Variants in SLC24A2 observed in about 807,000 individuals in gnomAD.
SLC24A2 encodes the protein sodium/potassium/calcium exchanger 2.
A neutral mutation model predicts 62.0 loss-of-function variants in SLC24A2; 36 were observed. The observed-to-expected ratio is 0.58, with a 90% confidence interval of 0.44 to 0.77. The LOEUF (loss-of-function observed/expected upper bound fraction) is 0.77, where lower values mean the gene tolerates loss of function less well. Ranked by LOEUF, SLC24A2 falls within the 30% of genes least tolerant of loss-of-function variation. SLC24A2 has a pLI of 0.00. For missense variants in SLC24A2, 846 were observed against 817.9 expected, an observed-to-expected ratio of 1.03 and a Z score of -0.42; for synonymous variants, 358 against 294.0, an observed-to-expected ratio of 1.22 and a Z score of -2.23.
At chr9:19,612,802 A>G (rs1268620790) in intron 4 of SLC24A2, among the ~76,000 whole-genome samples, 1 of 152,214 alleles carries the variant, frequency 6.6e-6, no homozygotes, top group Non-Finnish European at 1.5e-5. Context: ...ACTTGAGCCC[A>G]GGATTTCAAG....
chr9:19,604,400 CT>C (rs752370931), intron 4 of SLC24A2, among the ~76,000 whole-genome samples: 10 of 152,324 alleles, frequency 6.6e-5, no homozygotes, highest in Non-Finnish European at 1.5e-5. Flanking sequence ...GCAATGGAAA[CT>C]ACCAGTGCAC....
At chr9:20,127,961 C>A in the SLC24A2 span, among the ~76,000 whole-genome samples, 2 of 151,932 alleles carry the variant, frequency 1.3e-5, no homozygotes, top group Admixed American at 6.6e-5. Context: ...GTGGGTGCAA[C>A]ACAGCCCAAA....
At chr9:19,887,207 T>A in the SLC24A2 span, among the ~76,000 whole-genome samples, 1 of 152,188 alleles carries the variant, frequency 6.6e-6, no homozygotes, top group Non-Finnish European at 1.5e-5. Context: ...GAACTTAAAA[T>A]TTTTAAAAAG....
chr9:19,963,690 A>C, the SLC24A2 span, among the ~76,000 whole-genome samples: 4 of 152,314 alleles, frequency 2.6e-5, no homozygotes, highest in South Asian at 8.3e-4. Context: ...CACCAGTTAG[A>C]ATGACAATCA....
chr9:19,956,182 T>C, the SLC24A2 span, among the ~76,000 whole-genome samples: 1 of 152,144 alleles, frequency 6.6e-6, no homozygotes, highest in Non-Finnish European at 1.5e-5. Flanking sequence ...CTCAAACAGA[T>C]CCTAGGTCCC....
chr9:20,057,137 T>A, the SLC24A2 span, among the ~76,000 whole-genome samples: 1 of 152,260 alleles, frequency 6.6e-6, no homozygotes, highest in Non-Finnish European at 1.5e-5. Context: ...ATCACCTATA[T>A]ATTCACAAAT....
the SLC24A2 span, among the ~76,000 whole-genome samples, chr9:19,872,501 C>T: frequency 6.6e-6 from 1 of 152,218 alleles, no homozygotes; most frequent in South Asian, 2.1e-4. Flanking sequence ...AGGTCGTTTT[C>T]CTCACCTCTC....
the SLC24A2 span, among the ~76,000 whole-genome samples, chr9:20,230,954 C>T: frequency 6.6e-6 from 1 of 152,180 alleles, no homozygotes; most frequent in Non-Finnish European, 1.5e-5. Flanking sequence ...CTACATATGG[C>T]TAGCCAGTTT....
At chr9:19,842,634 G>T in the SLC24A2 span, among the ~76,000 whole-genome samples, 680 of 152,266 alleles carry the variant, frequency 4.5e-3, 4 homozygotes, top group African/African-American at 0.015. Context: ...AGTCTCCAAG[G>T]GGGGGATGTT....
At chr9:19,573,621 G>T in intron 6 of SLC24A2, 152 bp from the exon 7 acceptor site, 1 of 734,450 alleles carries the variant, frequency 1.4e-6, no homozygotes, top group Non-Finnish European at 2.4e-6. Context: ...TTGGGCTAAA[G>T]CAGAGGATAG....
In SLC24A2 at chr9:19,675,779, G is replaced by A. The variant is rs1220401475; in HGVS notation, c.931-53480C>T. On this transcript the variant is annotated intron_variant, in intron 2 of 10. Transcript: ENST00000341998. ...TGGAAACCTACCCCAGGCTGAGAAA[G>A]CAAACAGGGTTTTCAGGTTTTGTGC... Among the ~76,000 whole-genome samples the A allele has an allele frequency of 1.5e-3, 230 of 152,252 alleles. 1 individual carries two copies. Among genetic ancestry groups the A allele is most frequent in the Non-Finnish European group, 6.8e-4 (46 of 68,024 alleles).
At chr9:20,016,687 A>G in the SLC24A2 span, among the ~76,000 whole-genome samples, 1 of 152,212 alleles carries the variant, frequency 6.6e-6, no homozygotes, top group Non-Finnish European at 1.5e-5. Flanking sequence ...AAATTCAGCA[A>G]CTGATTTGTT....
intron 2 of SLC24A2, among the ~76,000 whole-genome samples, chr9:19,728,558 C>G (rs1168506038): frequency 6.6e-6 from 1 of 152,108 alleles, no homozygotes; most frequent in Non-Finnish European, 1.5e-5. Context: ...ACCTGTCACA[C>G]CTGTAGTGAT....
At chr9:20,282,200 C>T in the SLC24A2 span, among the ~76,000 whole-genome samples, 3 of 152,154 alleles carry the variant, frequency 2.0e-5, no homozygotes, top group Non-Finnish European at 4.4e-5. Context: ...AGAGTGCCAA[C>T]TACAAATTCC....
At chr9:19,559,670 C>CA (rs1354939778) in intron 7 of SLC24A2, among the ~76,000 whole-genome samples, 1 of 152,168 alleles carries the variant, frequency 6.6e-6, no homozygotes. Context: ...GGTGCCCCCC[C>CA]AGAAACATTC....
chr9:20,073,062 T>C, the SLC24A2 span, among the ~76,000 whole-genome samples: 4 of 152,164 alleles, frequency 2.6e-5, no homozygotes, highest in African/African-American at 9.7e-5. Context: ...TGATCACAAA[T>C]GCTATGACTG....
the SLC24A2 span, among the ~76,000 whole-genome samples, chr9:19,970,095 G>A: frequency 1.3e-5 from 2 of 152,184 alleles, no homozygotes; most frequent in Non-Finnish European, 2.9e-5. Context: ...GCAAGCTGCA[G>A]TCTGGACAAG....
At chr9:20,066,915 T>C in the SLC24A2 span, among the ~76,000 whole-genome samples, 1 of 152,028 alleles carries the variant, frequency 6.6e-6, no homozygotes, top group Admixed American at 6.6e-5. Flanking sequence ...GTGATCTAGG[T>C]CCCCACATGC....
chr9:19,775,146 G>A (rs1030596426), intron 2 of SLC24A2, among the ~76,000 whole-genome samples: 35 of 152,138 alleles, frequency 2.3e-4, no homozygotes, highest in East Asian at 3.8e-4. Flanking sequence ...ATGGCCTGGC[G>A]CCCAGATCCT....
Sources: gnomAD v4.1 joint callset for allele counts (sites outside exome capture counted in the v4.1 genomes callset) on GRCh38, gnomAD v4.1.1 for gene constraint, MANE v1.5 for transcripts, NCBI Gene and HGNC (gene_info 2026-07-23, HGNC 2026-07-21) for gene names.